The following TNRC18 variants were observed in gnomAD, a reference collection of about 807,000 sequenced individuals.
The protein encoded by TNRC18 is trinucleotide repeat-containing gene 18 protein.
In TNRC18, 69 loss-of-function variants were observed where a neutral mutation model predicts 226.7. The ratio of observed to expected loss-of-function variants is 0.30; its 90% CI spans 0.25 to 0.37. TNRC18 has a LOEUF of 0.37. Ranked by LOEUF, TNRC18 falls within the 10% of genes least tolerant of loss-of-function variation. The pLI is 1.00. For missense variants in TNRC18, 4,754 were observed against 4,256.6 expected (o/e 1.12, Z -3.25); for synonymous variants, 2,449 against 1,927.6 (o/e 1.27, Z -7.09).
Position 5,394,661 on chromosome 7 carries a change from C to A in TNRC18, c.188-66G>T. The A allele has an allele frequency of 7.9e-7, 1 of 1,271,174 alleles. No homozygotes were observed. Among genetic ancestry groups the A allele is most frequent in the Non-Finnish European group, 1.1e-6 (1 of 924,262 alleles). The allele number at this position is 1,271,174 out of a possible 1,614,324, so 78.7% of individuals were successfully genotyped here. On this transcript the variant is annotated intron_variant, in intron 2 of 29. Transcript: ENST00000430969. This position sits in a 1 kb window ranked among gnomAD's most constrained non-coding sequence, Gnocchi z 4.5. ...GGGAGGCGCCGCCGCCCCAGCCCACCGCCCCGACCCACCGCCCCGAGACCG... is the reference window on the plus strand; with the variant it reads ...GGGAGGCGCCGCCGCCCCAGCCCACAGCCCCGACCCACCGCCCCGAGACCG...
At position 5,421,064 on chromosome 7, in the gene TNRC18, G is replaced by A. The variant is rs1223047761; in HGVS notation, c.183C>T (p.His61=). Residue 61 remains histidine (H), a synonymous_variant, in exon 2 of 30, where the codon CAC becomes CAT. Coordinates refer to ENST00000430969, the MANE Select transcript of TNRC18 (RefSeq NM_001080495.3). ...GGCACGGCGCGGGGCACTTACCCGG[G>A]TGCGGATGGAGATTCAGGCCGGCCA... is the stretch of plus-strand genomic sequence containing the variant. ...KYMAGLNLHP[H]PGEAFLGSFV... The A allele has an allele frequency of 4.0e-6, 6 of 1,515,594 alleles. No individual in the cohort carries two copies. Among genetic ancestry groups the A allele is most frequent in the African/African-American group, 1.4e-5 (1 of 72,264 alleles). 93.9% of individuals were successfully genotyped at this position (1,515,594 alleles called of 1,614,324 possible).
chr7:5,421,110 G>A lies in TNRC18; in HGVS notation c.137C>T (p.Pro46Leu), dbSNP rs1200144911. 1.4e-6 allele frequency: 2 copies of A among 1,473,442 alleles called. No homozygotes were observed. Among genetic ancestry groups the A allele is most frequent in the East Asian group, 2.5e-5 (1 of 39,384 alleles). 91.3% of individuals were successfully genotyped at this position (1,473,442 alleles called of 1,614,324 possible). A position where few individuals can be genotyped will look rare whatever the true frequency, so the allele number is the denominator to read the frequency against. Residue 46 changes from proline to leucine, a missense_variant, in exon 2 of 30, where the codon CCG becomes CTG. By Grantham distance (98) the Pro-to-Leu change is moderately conservative. Coordinates refer to ENST00000430969, the MANE Select transcript of TNRC18 (RefSeq NM_001080495.3). The part of the protein sequence containing the change: ...GRLPASGLPG[P>L]LPPGKYMAGL... Reference sequence around the variant, plus strand: ...GGCCATGTACTTCCCGGGCGGCAGCGGGCCGGGCAAGCCCGAGGCGGGCAA... The same window carrying A: ...GGCCATGTACTTCCCGGGCGGCAGCAGGCCGGGCAAGCCCGAGGCGGGCAA...
At chr7:5,346,155 C>T (rs1004929982) in intron 17 of TNRC18, among the ~76,000 whole-genome samples, 2 of 152,238 alleles carry the variant, frequency 1.3e-5, no homozygotes, top group African/African-American at 4.8e-5. Context: ...CACAGTCACA[C>T]GCGCACACGC....
chr7:5,307,187 A>T lies in TNRC18; in HGVS notation c.*919T>A, dbSNP rs1175554893. ...TATAATCTAACAGGAAATAAAAAAT[A>T]ATATTCTGCACGTCAGAATGTTTTT... On this transcript the variant is annotated 3_prime_UTR_variant, in exon 30 of 30. Transcript: ENST00000430969. 1 of 137,376 alleles carries T rather than the reference A, an allele frequency of 7.3e-6. No homozygotes were observed. The highest frequency in any genetic ancestry group is 7.7e-5 in the Admixed American group (1 of 12,982). The allele number at this position is 137,376 out of a possible 1,614,324, so 8.5% of individuals were successfully genotyped here. A position where few individuals can be genotyped will look rare whatever the true frequency, so the allele number is the denominator to read the frequency against.
rs902172415 is a variant in TNRC18, at chr7:5,388,780, G to A, written c.1044C>T (p.Pro348=). The A allele has an allele frequency of 3.7e-4, 448 of 1,217,136 alleles. 1 individual carries two copies. Among genetic ancestry groups the A allele is most frequent in the Admixed American group, 9.3e-4 (20 of 21,560 alleles). 75.4% of individuals were successfully genotyped at this position (1,217,136 alleles called of 1,614,324 possible). The change falls in exon 5 of 30, where the codon CCC becomes CCT. Residue 348 remains proline (P), a synonymous_variant. Coordinates refer to ENST00000430969, the MANE Select transcript of TNRC18 (RefSeq NM_001080495.3). ...AGACGCCGGCGGGGGTGGCCGCGGG[G>A]GGTGCAGGAGGCCCCTTGGGGGGCG... ...PPAPPKGPPA[P]PAATPAGVYT...
intron 2 of TNRC18, chr7:5,420,854 GA>G: frequency 2.7e-6 from 2 of 749,180 alleles, no homozygotes; most frequent in Non-Finnish European, 4.7e-6. Flanking sequence ...GCACGCTACG[GA>G]AAAGGTAGCC....
intron 16 of TNRC18, among the ~76,000 whole-genome samples, chr7:5,355,768 C>G (rs555343932): frequency 2.1e-4 from 32 of 152,096 alleles, no homozygotes; most frequent in Non-Finnish European, 3.7e-4. Flanking sequence ...GTCCCAGCTA[C>G]TCGGAGGGCT....
intron 5 of TNRC18, among the ~76,000 whole-genome samples, chr7:5,383,679 G>A (rs780651937): frequency 3.3e-5 from 5 of 152,124 alleles, no homozygotes; most frequent in African/African-American, 4.8e-5. Flanking sequence ...GTCCCAGGGC[G>A]TCTCTCTCCT....
In TNRC18 at chr7:5,371,011, C is replaced by G; in HGVS notation, c.3583G>C (p.Gly1195Arg). Reference sequence around the variant, plus strand: ...GCCTCCAACAGGCCACCTCCACAACCCCCTGCAGGGCTGGGGGTAGCCATG... The same window carrying G: ...GCCTCCAACAGGCCACCTCCACAACGCCCTGCAGGGCTGGGGGTAGCCATG... ...EAMATPSPAG[G>R]CGGGLLEAQA... is the part of the protein sequence containing the mutation. The change falls in exon 11 of 30, where the codon GGT (glycine) becomes CGT (arginine). Residue 1195 changes from glycine (G) to arginine (R), a missense_variant. Coordinates refer to ENST00000430969, the MANE Select transcript of TNRC18 (RefSeq NM_001080495.3). 1 of 1,608,268 alleles carries G rather than the reference C, an allele frequency of 6.2e-7. No individual in the cohort carries two copies. Among genetic ancestry groups the G allele is most frequent in the South Asian group, 1.1e-5 (1 of 91,072 alleles).
At chr7:5,371,585 T>C (rs1794164327) in intron 10 of TNRC18, among the ~76,000 whole-genome samples, 1 of 152,198 alleles carries the variant, frequency 6.6e-6, no homozygotes, top group Admixed American at 6.5e-5. Flanking sequence ...CAAGGTCTTG[T>C]GGTCTTGAAG....
intron 24 of TNRC18, 170 bp downstream of exon 24, chr7:5,320,148 A>G: frequency 3.3e-6 from 2 of 603,794 alleles, no homozygotes; most frequent in South Asian, 1.9e-5. Context: ...TCCTGATGAC[A>G]TCGTTTAAAT....
At chr7:5,344,820 G>A (rs150339517) in intron 18 of TNRC18, among the ~76,000 whole-genome samples, 82 of 152,156 alleles carry the variant, frequency 5.4e-4, no homozygotes, top group Non-Finnish European at 9.7e-4. Flanking sequence ...CACTCAGCCC[G>A]GTGAGAACAG....
chr7:5,383,327 G>C (rs10232928), intron 5 of TNRC18, among the ~76,000 whole-genome samples: 3,376 of 152,256 alleles, frequency 0.022, 140 homozygotes, highest in African/African-American at 0.076. Flanking sequence ...GCCAGACCTA[G>C]ATCCTATGTG....
chr7:5,361,767 G>A (rs773554639), intron 13 of TNRC18, 45 bp from the exon 14 acceptor site: 8 of 1,547,670 alleles, frequency 5.2e-6, no homozygotes, highest in South Asian at 1.2e-5. Flanking sequence ...GGGGGCGGGC[G>A]GGGCGCGGAG....
In TNRC18 at chr7:5,324,839, C is replaced by T. The variant is rs928034293; in HGVS notation, c.6300+257G>A. Among the ~76,000 whole-genome samples, 2 of 152,184 alleles carry T rather than the reference C, an allele frequency of 1.3e-5. No homozygotes were observed. The highest frequency in any genetic ancestry group is 2.9e-5 in the Non-Finnish European group (2 of 68,032). ...CTGGTGCTGGGCTGGGGGCCTGTCA[C>T]CCAGGTCTCCTGGTCTCTGTTCCAG... On this transcript the variant is annotated intron_variant, in intron 20 of 29. Transcript: ENST00000430969. This position sits in a 1 kb window ranked among gnomAD's most constrained non-coding sequence, Gnocchi z 4.8.
In TNRC18 at chr7:5,307,332, G is replaced by A. The variant is rs1786645628; in HGVS notation, c.*774C>T. 6.1e-6 allele frequency: 1 copy of A among 165,264 alleles called. No individual in the cohort carries two copies. Among genetic ancestry groups the A allele is most frequent in the South Asian group, 1.1e-4 (1 of 9,364 alleles). The allele number at this position is 165,264 out of a possible 1,614,324, so 10.2% of individuals were successfully genotyped here. On this transcript the variant is annotated 3_prime_UTR_variant, in exon 30 of 30. Coordinates refer to ENST00000430969, the MANE Select transcript of TNRC18 (RefSeq NM_001080495.3). ...CCATTTAAAGGCTTATGATACAGGGGCGGGGCGAGTCTCTTGGTACAATAA... is the reference window on the plus strand; with the variant it reads ...CCATTTAAAGGCTTATGATACAGGGACGGGGCGAGTCTCTTGGTACAATAA...
chr7:5,360,094 C>G (rs1277734684), intron 14 of TNRC18, among the ~76,000 whole-genome samples: 2 of 152,174 alleles, frequency 1.3e-5, no homozygotes, highest in African/African-American at 4.8e-5. Context: ...TAAGCTGAAA[C>G]TTCACAGGTG....
chr7:5,417,169 T>A lies in TNRC18; in HGVS notation c.187+3891A>T, dbSNP rs373964559. The stretch of plus-strand genomic sequence containing the variant: ...AACCCTGTCTCTAAAAAAAAAAAAA[T>A]TTTAAGTAACAAAATCAGCTGGGCG... On this transcript the variant is annotated intron_variant, in intron 2 of 29. Transcript: ENST00000430969. Among the ~76,000 whole-genome samples the A allele has an allele frequency of 4.5e-3, 521 of 116,954 alleles. 7 individuals carry two copies. Among genetic ancestry groups the A allele is most frequent in the African/African-American group, 0.016 (476 of 30,510 alleles). 76.7% of individuals were successfully genotyped at this position (116,954 alleles called of 152,430 possible). A position where few individuals can be genotyped will look rare whatever the true frequency, so the allele number is the denominator to read the frequency against.
intron 5 of TNRC18, among the ~76,000 whole-genome samples, chr7:5,385,680 C>G (rs1732159650): frequency 7.1e-6 from 1 of 141,686 alleles, no homozygotes. Context: ...GAGACTCCAT[C>G]CAAAAAAAAA....
Sources: gnomAD v4.1 joint callset for allele counts (sites outside exome capture counted in the v4.1 genomes callset) on GRCh38, gnomAD v4.1.1 for gene constraint, Gnocchi (gnomAD v3.1) non-coding constraint, MANE v1.5 for transcripts, NCBI Gene and HGNC (gene_info 2026-07-23, HGNC 2026-07-21) for gene names.